ITGA10: variants seen among roughly 807,000 people sequenced by gnomAD.
ITGA10 encodes the protein integrin subunit alpha 10.
In ITGA10, 105 loss-of-function variants were observed where a neutral mutation model predicts 145.2. That is an observed-to-expected ratio of 0.72 (90% CI 0.62 to 0.85). The LOEUF is 0.85. Ranked by LOEUF, ITGA10 falls within the 40% of genes least tolerant of loss-of-function variation. ITGA10 has a pLI of 0.00. For missense variants in ITGA10, 1,317 were observed against 1,444.5 expected (o/e 0.91, Z 1.43); for synonymous variants, 506 against 557.8 (o/e 0.91, Z 1.31).
Position 145,893,235 on chromosome 1 carries a change from A to C in ITGA10, c.3364T>G (p.Ser1122Ala). ...EVVQTRPILI[S>A]LWILIGSVLG... ...ACACTGCCTATGAGGATCCACAGGGAGATGAGGATAGGCCGGGTCTGAACC... is the reference window on the plus strand; with the variant it reads ...ACACTGCCTATGAGGATCCACAGGGCGATGAGGATAGGCCGGGTCTGAACC... The change falls in exon 29 of 30, where the codon TCC (serine) becomes GCC (alanine). Residue 1122 changes from serine to alanine, a missense_variant. Ser to Ala is a moderately conservative substitution (Grantham distance 99). Coordinates refer to ENST00000369304, the MANE Select transcript of ITGA10 (RefSeq NM_003637.5). The C allele has an allele frequency of 6.2e-7, 1 of 1,614,156 alleles. No homozygotes were observed. The highest frequency in any genetic ancestry group is 8.5e-7 in the Non-Finnish European group (1 of 1,180,000).
intron 28 of ITGA10, 61 bp from the exon 29 acceptor site, chr1:145,893,335 C>T (rs142806358): frequency 3.3e-6 from 4 of 1,228,968 alleles, no homozygotes; most frequent in East Asian, 2.3e-5. Flanking sequence ...CCTCACCCCA[C>T]ATTATATCAA....
chr1:145,906,845 G>C, intron 3 of ITGA10, 21 bp from the exon 4 acceptor site: 1 of 1,547,492 alleles, frequency 6.5e-7, no homozygotes, highest in East Asian at 2.2e-5. Context: ...GGAGGTGGAA[G>C]AGAATGAGAT....
At position 145,897,023 on chromosome 1, in the gene ITGA10, A is replaced by C. The variant is rs1553745401; in HGVS notation, c.2732T>G (p.Leu911Arg). The C allele has an allele frequency of 1.2e-6, 2 of 1,613,944 alleles. No individual in the cohort carries two copies. The highest frequency in any genetic ancestry group is 1.7e-6 in the Non-Finnish European group (2 of 1,179,908). The change falls in exon 22 of 30, where the codon CTG (leucine) becomes CGG (arginine). Residue 911 changes from leucine to arginine, a missense_variant. Physicochemically the swap from Leu to Arg is moderately radical, Grantham distance 102. Coordinates refer to ENST00000369304, the MANE Select transcript of ITGA10 (RefSeq NM_003637.5). ...CCTTCATTCTCACCTGCTGGCAGTC[A>C]GCTTCACGAAGACCTGGCTCAGGAG... is the stretch of plus-strand genomic sequence containing the variant. ...SSLLSQVFVK[L>R]TASSDSLERN...
chr1:145,909,396 G>A (rs1553752457), intron 1 of ITGA10, among the ~76,000 whole-genome samples: 2 of 146,376 alleles, frequency 1.4e-5, no homozygotes, highest in African/African-American at 5.1e-5. Flanking sequence ...ACAACAAAGT[G>A]AGACCCTATC....
intron 5 of ITGA10, among the ~76,000 whole-genome samples, chr1:145,905,120 A>C (rs1311575514): frequency 2.0e-5 from 3 of 152,144 alleles, no homozygotes; most frequent in Admixed American, 6.6e-5. Flanking sequence ...GTTCTAAAAA[A>C]CAAGAAGGAA....
At chr1:145,906,302 C>T in intron 5 of ITGA10, 92 bp downstream of exon 5, 1 of 903,092 alleles carries the variant, frequency 1.1e-6, no homozygotes, top group South Asian at 1.4e-5. Context: ...GCCATGCAGG[C>T]CCTTTGCCAG....
intron 4 of ITGA10, 22 bp from the exon 5 acceptor site, chr1:145,906,530 A>G (rs1553751112): frequency 6.2e-7 from 1 of 1,600,368 alleles, no homozygotes; most frequent in Admixed American, 1.7e-5. Flanking sequence ...GGAAATAGTT[A>G]CTCCCAGGCT....
In ITGA10 at chr1:145,900,879, C is replaced by A; in HGVS notation, c.1702G>T (p.Ala568Ser). The A allele has an allele frequency of 1.2e-6, 2 of 1,614,122 alleles. No homozygotes were observed. The highest frequency in any genetic ancestry group is 1.7e-6 in the Non-Finnish European group (2 of 1,180,032). Reference protein sequence around the residue: ...DLNQDGFADVAVGAPLEDGHQ... With the variant: ...DLNQDGFADVSVGAPLEDGHQ... ...CCATCTTCCAGAGGCGCCCCCACAG[C>A]CACATCAGCAAAACCATCTTGGTTC... is the stretch of plus-strand genomic sequence containing the variant. The change falls in exon 14 of 30, where the codon GCT becomes TCT. Residue 568 changes from alanine to serine, a missense_variant. Ala to Ser is a moderately conservative substitution (Grantham distance 99, BLOSUM62 1). Coordinates refer to ENST00000369304, the MANE Select transcript of ITGA10 (RefSeq NM_003637.5).
At chr1:145,906,003 T>C in intron 5 of ITGA10, 1 of 190,412 alleles carries the variant, frequency 5.3e-6, no homozygotes, top group East Asian at 1.4e-4. Flanking sequence ...CACCGCAACC[T>C]CCACCTCCTG....
rs1553751104 is a variant in ITGA10, at chr1:145,906,518, G to A, written c.367-10C>T. 4 of 1,610,952 alleles carry A rather than the reference G, an allele frequency of 2.5e-6. No homozygotes were observed. The highest frequency in any genetic ancestry group is 3.4e-6 in the Non-Finnish European group (4 of 1,177,194). On this transcript the variant is annotated splice_polypyrimidine_tract_variant and intron_variant, in intron 4 of 29. Coordinates refer to ENST00000369304, the MANE Select transcript of ITGA10 (RefSeq NM_003637.5). ...AGAGAGGGGCACAGGCCTGGGGATG[G>A]GGGAAATAGTTACTCCCAGGCTTGG...
At chr1:145,908,037 T>C (rs1180816137) in intron 1 of ITGA10, among the ~76,000 whole-genome samples, 1 of 152,092 alleles carries the variant, frequency 6.6e-6, no homozygotes, top group African/African-American at 2.4e-5. Context: ...CCCAAAGTGC[T>C]GGGATTACAG....
intron 4 of ITGA10, 24 bp downstream of exon 4, chr1:145,906,709 G>A: frequency 6.4e-7 from 1 of 1,556,546 alleles, no homozygotes; most frequent in South Asian, 1.1e-5. Context: ...CAGAGACACT[G>A]CCACCACCCT....
rs782818588 is a variant in ITGA10, at chr1:145,892,750, C to G, written c.*48G>C. The G allele has an allele frequency of 1.1e-5, 16 of 1,425,526 alleles. No homozygotes were observed. The Admixed American group carries it at 2.5e-4, about 23-fold the overall frequency. The allele number at this position is 1,425,526 out of a possible 1,614,324, so 88.3% of individuals were successfully genotyped here. ...CCCAAACCTCTGCTTTTATGCAAGT[C>G]TCTTGAAGAAGCTGCCAGGGAGGAC... On this transcript the variant is annotated 3_prime_UTR_variant, in exon 30 of 30. Transcript: ENST00000369304.
In ITGA10 at chr1:145,902,458, A is replaced by G. The variant is rs782049529; in HGVS notation, c.1071T>C (p.Leu357=). 6.2e-7 allele frequency: 1 copy of G among 1,610,680 alleles called. No homozygotes were observed. Among genetic ancestry groups the G allele is most frequent in the Non-Finnish European group, 8.5e-7 (1 of 1,178,316 alleles). ...TTTCTCCAGAGTAATCCTCACCTTC[A>G]AGGCCAAAAATCCGATCTCCTAGTG... ...VDALGDRIFG[L]EGSHAENESS... The change falls in exon 9 of 30, where the codon CTT becomes CTC. Residue 357 remains leucine (L), a synonymous_variant. Coordinates refer to ENST00000369304, the MANE Select transcript of ITGA10 (RefSeq NM_003637.5).
At chr1:145,908,681 C>T (rs1570920845) in intron 1 of ITGA10, among the ~76,000 whole-genome samples, 1 of 152,192 alleles carries the variant, frequency 6.6e-6, no homozygotes, top group African/African-American at 2.4e-5. Context: ...TAAGCAACCC[C>T]CTCTCAGGCT....
chr1:145,906,566 C>T (rs1657169724), intron 4 of ITGA10, 58 bp from the exon 5 acceptor site: 11 of 1,481,728 alleles, frequency 7.4e-6, no homozygotes, highest in Non-Finnish European at 1.0e-5. Context: ...AGAACATGCT[C>T]CCAGTTGAAG....
At position 145,904,108 on chromosome 1, in the gene ITGA10, G is replaced by A. The variant is rs782088711; in HGVS notation, c.702C>T (p.Asn234=). 2 of 1,614,096 alleles carry A rather than the reference G, an allele frequency of 1.2e-6. No homozygotes were observed. The highest frequency in any genetic ancestry group is 1.1e-5 in the South Asian group (1 of 91,084). ...TTTCTCGTCCCTCCCGCCGACTGAG[G>A]TTCTTTGCTGCTCTCACCACTTCTT... The part of the protein sequence containing the change: ...TKEEVVRAAK[N]LSRREGRETK... Residue 234 remains asparagine, a synonymous_variant, in exon 7 of 30, where the codon AAC becomes AAT. Coordinates refer to ENST00000369304, the MANE Select transcript of ITGA10 (RefSeq NM_003637.5).
intron 22 of ITGA10, 34 bp from the exon 23 acceptor site, chr1:145,896,892 A>G (rs781946115): frequency 6.4e-7 from 1 of 1,568,832 alleles, no homozygotes; most frequent in East Asian, 2.2e-5. Flanking sequence ...TCACATCTCA[A>G]CCCCTCCTCA....
rs1363604105 is a variant in ITGA10, at chr1:145,892,539, C to G, written c.*259G>C. The G allele has an allele frequency of 2.5e-6, 1 of 393,012 alleles. No homozygotes were observed. The highest frequency in any genetic ancestry group is 4.5e-6 in the Non-Finnish European group (1 of 220,224). 24.3% of individuals were successfully genotyped at this position (393,012 alleles called of 1,614,324 possible). On this transcript the variant is annotated 3_prime_UTR_variant, in exon 30 of 30. Transcript: ENST00000369304. ...CCCCAAACAAAAGCCCCAGTGTTGG[C>G]TATGGAACCAGGATCACGAGGAGGA... is the stretch of plus-strand genomic sequence containing the variant.
Sources: allele counts gnomAD v4.1 joint callset (sites outside exome capture counted in the v4.1 genomes callset), GRCh38; gene constraint gnomAD v4.1.1; transcripts MANE v1.5; gene names NCBI Gene and HGNC (gene_info 2026-07-23, HGNC 2026-07-21).